ACOX3: variants seen among roughly 807,000 people sequenced by gnomAD.
ACOX3 encodes the protein peroxisomal acyl-coenzyme A oxidase 3.
Under a neutral mutation model 81.5 loss-of-function variants are expected in ACOX3, and 73 were observed. That is an observed-to-expected ratio of 0.90 (90% confidence interval 0.74 to 1.09). ACOX3 has a LOEUF of 1.09. Ranked by LOEUF, ACOX3 falls within the 50% of genes least tolerant of loss-of-function variation. ACOX3 has a pLI of 0.00. For synonymous variants in ACOX3, 387 were observed against 375.1 expected, an observed-to-expected ratio of 1.03 and a Z score of -0.37; for missense variants, 947 against 928.0, an observed-to-expected ratio of 1.02 and a Z score of -0.27.
At chr4:8,413,708 C>T (rs1325372294) in intron 5 of ACOX3, among the ~76,000 whole-genome samples, 1 of 152,064 alleles carries the variant, frequency 6.6e-6, no homozygotes, top group Non-Finnish European at 1.5e-5. Context: ...CCCCGTGCCC[C>T]TCCACAGCAC....
rs1442478880 is a variant in ACOX3, at chr4:8,397,078, G to A, written c.915C>T (p.Ser305=). Residue 305 remains serine (S), a synonymous_variant, in exon 9 of 18, where the codon TCC becomes TCT. Transcript: ENST00000356406. ...GGCTCACGATGGAGACCCGGCCCGA[G>A]GACAGGCTCCCCAGGGACGCTCCAA... ...QRFGASLGSL[S]SGRVSIVSLA... The A allele has an allele frequency of 6.3e-7, 1 of 1,596,562 alleles. No individual in the cohort carries two copies.
chr4:8,391,025 A>G (rs376193041), intron 11 of ACOX3, among the ~76,000 whole-genome samples: 1 of 101,806 alleles, frequency 9.8e-6, no homozygotes, highest in Admixed American at 9.7e-5. Context: ...GTATATGTAT[A>G]TGTATGTGTA....
the ACOX3 span, chr4:8,356,243 G>A: frequency 6.9e-3 from 2,291 of 331,756 alleles, 56 homozygotes; most frequent in African/African-American, 0.046. Flanking sequence ...AGTGTAGCTG[G>A]TGTCCATCCA....
downstream of ACOX3, among the ~76,000 whole-genome samples, chr4:8,364,692 T>C (rs1192088359): frequency 6.6e-6 from 1 of 152,246 alleles, no homozygotes; most frequent in Non-Finnish European, 1.5e-5. This position sits in a 1 kb window ranked among gnomAD's most constrained non-coding sequence, Gnocchi z 5.0. Flanking sequence ...AAGTCAAATG[T>C]GTTTTTTTCT....
intron 13 of ACOX3, among the ~76,000 whole-genome samples, chr4:8,387,555 G>A (rs999120678): frequency 3.9e-5 from 6 of 152,252 alleles, no homozygotes; most frequent in Non-Finnish European, 7.3e-5. Context: ...AGGCGATGGC[G>A]AGATGGAGGC....
chr4:8,432,842 T>C lies in ACOX3; in HGVS notation c.-15+7806A>G, dbSNP rs981400569. On this transcript the variant is annotated intron_variant, in intron 1 of 17. Transcript: ENST00000356406. The surrounding 1 kb of genome is among the most constrained non-coding windows in gnomAD (Gnocchi z 6.2). Reference sequence around the variant, plus strand: ...CCAGGTGAGTGTCTCTAGTGCTGCATTGTTCAACAGTAGCCCCTAGCCTCA... The same window carrying C: ...CCAGGTGAGTGTCTCTAGTGCTGCACTGTTCAACAGTAGCCCCTAGCCTCA... 2.6e-5 allele frequency among the ~76,000 whole-genome samples: 4 copies of C among 152,238 alleles called. No homozygotes were observed. In the East Asian group the frequency reaches 7.7e-4, roughly 29 times the overall value.
In ACOX3 at chr4:8,414,716, A is replaced by G. The variant is rs1578968129; in HGVS notation, c.453+138T>C. 1.2e-6 allele frequency: 1 copy of G among 801,804 alleles called. No individual in the cohort carries two copies. Among genetic ancestry groups the G allele is most frequent in the Non-Finnish European group, 2.1e-6 (1 of 485,846 alleles). The allele number at this position is 801,804 out of a possible 1,614,324, so 49.7% of individuals were successfully genotyped here. ...AAAGAACAGTGCTAGCTATTTGGTG[A>G]GAAGCCTGAGAACACTAGGAAACAA... On this transcript the variant is annotated intron_variant, in intron 4 of 17. Coordinates refer to ENST00000356406, the MANE Select transcript of ACOX3 (RefSeq NM_003501.3). This position sits in a 1 kb window ranked among gnomAD's most constrained non-coding sequence, Gnocchi z 6.1.
At chr4:8,415,556 C>A (rs781393593) in intron 3 of ACOX3, among the ~76,000 whole-genome samples, 4 of 150,744 alleles carry the variant, frequency 2.7e-5, no homozygotes, top group African/African-American at 9.8e-5. Flanking sequence ...TTTACAAATA[C>A]ATGATGGTGG....
intron 5 of ACOX3, among the ~76,000 whole-genome samples, chr4:8,413,808 T>C (rs192021411): frequency 2.6e-5 from 4 of 151,234 alleles, no homozygotes; most frequent in African/African-American, 9.7e-5. Context: ...ACCAGAGAGG[T>C]CAAGAGGATG....
Position 8,366,451 on chromosome 4 carries a change from C to T in ACOX3, c.*510G>A, listed in dbSNP as rs1400633964. The T allele has an allele frequency of 6.6e-6, 1 of 152,198 alleles. No individual in the cohort carries two copies. The highest frequency in any genetic ancestry group is 2.4e-5 in the African/African-American group (1 of 41,400). 9.4% of individuals were successfully genotyped at this position (152,198 alleles called of 1,614,324 possible). On this transcript the variant is annotated 3_prime_UTR_variant, in exon 18 of 18. Transcript: ENST00000356406. ...AGATGTTCCTCCTTAAGTCTTAAAC[C>T]ACGACATTCAGATGATCTATGTGCA...
At chr4:8,433,058 A>G (rs1164910507) in intron 1 of ACOX3, among the ~76,000 whole-genome samples, 1 of 152,224 alleles carries the variant, frequency 6.6e-6, no homozygotes, top group Non-Finnish European at 1.5e-5. Context: ...CTATGTAGAC[A>G]CTATTTCCAG....
In ACOX3 at chr4:8,431,358, A is replaced by G. The variant is rs894831621; in HGVS notation, c.-15+9290T>C. 2.6e-5 allele frequency among the ~76,000 whole-genome samples: 4 copies of G among 152,130 alleles called. No homozygotes were observed. Among genetic ancestry groups the G allele is most frequent in the Non-Finnish European group, 5.9e-5 (4 of 68,014 alleles). ...TTGACCGTGGCTTCACCTCGGGGCC[A>G]CCTTCTGGCATTTGCCTGCTCACGC... On this transcript the variant is annotated intron_variant, in intron 1 of 17. Transcript: ENST00000356406. The surrounding 1 kb of genome is among the most constrained non-coding windows in gnomAD (Gnocchi z 5.3).
intron 5 of ACOX3, among the ~76,000 whole-genome samples, chr4:8,412,134 G>A (rs1721794501): frequency 6.6e-6 from 1 of 152,266 alleles, no homozygotes; most frequent in South Asian, 2.1e-4. Context: ...AGGAGGAGAA[G>A]CAGCCATGGG....
At chr4:8,358,783 A>G in the ACOX3 span, among the ~76,000 whole-genome samples, 1 of 152,184 alleles carries the variant, frequency 6.6e-6, no homozygotes, top group Non-Finnish European at 1.5e-5. Flanking sequence ...AAAAGGGGAG[A>G]CATGAATAAT....
At chr4:8,421,159 C>G (rs1257038339) in intron 1 of ACOX3, among the ~76,000 whole-genome samples, 1 of 152,170 alleles carries the variant, frequency 6.6e-6, no homozygotes, top group Non-Finnish European at 1.5e-5. Flanking sequence ...TTCTCCAAAG[C>G]GGTGAGTAAT....
In ACOX3 at chr4:8,386,929, T is replaced by A. The variant is rs1417016948; in HGVS notation, c.1537+2244A>T. Among the ~76,000 whole-genome samples, 1 of 152,228 alleles carries A rather than the reference T, an allele frequency of 6.6e-6. No homozygotes were observed. The highest frequency in any genetic ancestry group is 1.9e-4 in the East Asian group (1 of 5,192). On this transcript the variant is annotated intron_variant, in intron 13 of 17. Transcript: ENST00000356406. The surrounding 1 kb of genome is among the most constrained non-coding windows in gnomAD (Gnocchi z 5.2). Reference sequence around the variant, plus strand: ...GCTATCACATCCACGGCGTCGGTCCTGATGGCTGGAACGCGTCCTCCATGT... The same window carrying A: ...GCTATCACATCCACGGCGTCGGTCCAGATGGCTGGAACGCGTCCTCCATGT...
chr4:8,429,787 G>C (rs962987246), intron 1 of ACOX3, among the ~76,000 whole-genome samples: 2 of 152,298 alleles, frequency 1.3e-5, no homozygotes, highest in Admixed American at 1.3e-4. Context: ...ACAAGGAAGA[G>C]CCAGGCGTTG....
chr4:8,370,916 C>T lies in ACOX3; in HGVS notation c.1975G>A (p.Asp659Asn), dbSNP rs550313569. Residue 659 changes from aspartate to asparagine, a missense_variant, in exon 17 of 18, where the codon GAC becomes AAC. Physicochemically the swap from Asp to Asn is conservative, Grantham distance 23. Transcript: ENST00000356406. This position sits in a 1 kb window ranked among gnomAD's most constrained non-coding sequence, Gnocchi z 6.3. ...CCCTGTCCTCCCTTTACCTCGCCGTCGGCTCTGCCAATCGGTGAGTCCAGA... is the reference window on the plus strand; with the variant it reads ...CCCTGTCCTCCCTTTACCTCGCCGTTGGCTCTGCCAATCGGTGAGTCCAGA... Reference protein sequence around the residue: ...FVLDSPIGRADGELYKNLWGA... With the variant: ...FVLDSPIGRANGELYKNLWGA... 3.1e-5 allele frequency: 50 copies of T among 1,613,794 alleles called. No homozygotes were observed. In the Admixed American group the frequency reaches 6.3e-4, roughly 20 times the overall value.
At position 8,423,527 on chromosome 4, in the gene ACOX3, G is replaced by T. The variant is rs981425848; in HGVS notation, c.-14-6992C>A. Among the ~76,000 whole-genome samples the T allele has an allele frequency of 4.6e-5, 7 of 152,152 alleles. No individual in the cohort carries two copies. The South Asian group carries it at 1.0e-3, about 23-fold the overall frequency. ...ATTGTTAAGGACCTAAAAGCCCAAG[G>T]CCTAGTAAAACCATGCAATAGCCCC... On this transcript the variant is annotated intron_variant, in intron 1 of 17. Coordinates refer to ENST00000356406, the MANE Select transcript of ACOX3 (RefSeq NM_003501.3). The surrounding 1 kb of genome is among the most constrained non-coding windows in gnomAD (Gnocchi z 4.2).
Sources: allele counts gnomAD v4.1 joint callset (sites outside exome capture counted in the v4.1 genomes callset), GRCh38; gene constraint gnomAD v4.1.1; non-coding constraint Gnocchi (gnomAD v3.1); transcripts MANE v1.5; gene names NCBI Gene and HGNC (gene_info 2026-07-23, HGNC 2026-07-21).